ATPAF1: variants seen among roughly 807,000 people sequenced by gnomAD.
ATPAF1 encodes the protein homolog of yeast ATP11.
A neutral mutation model predicts 43.9 loss-of-function variants in ATPAF1; 26 were observed. That is an observed-to-expected ratio of 0.59 (90% CI 0.43 to 0.82). The LOEUF is 0.82. Among genes scored for constraint, ATPAF1 ranks in the 40% least tolerant of loss-of-function variants. The probability of loss-of-function intolerance (pLI) is 0.00; values close to 1 mark genes in which losing one functional copy is unlikely to be tolerated. For synonymous variants in ATPAF1, 157 were observed against 168.0 expected (o/e 0.93, Z 0.50); for missense variants, 366 against 435.0 (o/e 0.84, Z 1.41).
exon 9 of ATPAF1, chr1:46,635,722 G>T: frequency 2.0e-6 from 3 of 1,525,360 alleles, no homozygotes; most frequent in Non-Finnish European, 2.7e-6. Flanking sequence ...GAGGGGGTGG[G>T]CTCTAGACTA....
chr1:46,642,394 T>A (rs184416538), intron 8 of ATPAF1, among the ~76,000 whole-genome samples: 1 of 152,312 alleles, frequency 6.6e-6, no homozygotes, highest in East Asian at 1.9e-4. Flanking sequence ...ACTTAACCTC[T>A]GCCAGATAAA....
At chr1:46,665,764 A>C in intron 1 of ATPAF1, 1 of 1,510,602 alleles carries the variant, frequency 6.6e-7, no homozygotes, top group Non-Finnish European at 8.8e-7. Flanking sequence ...TCTTGAAAAT[A>C]TGTCCCCCCA....
At chr1:46,642,590 T>A (rs1288013561) in intron 8 of ATPAF1, among the ~76,000 whole-genome samples, 1 of 152,114 alleles carries the variant, frequency 6.6e-6, no homozygotes, top group Non-Finnish European at 1.5e-5. Context: ...ACACTATAAA[T>A]GATGAATGTT....
At chr1:46,664,389 G>GTCA (rs949166116) in intron 2 of ATPAF1, among the ~76,000 whole-genome samples, 6 of 152,184 alleles carry the variant, frequency 3.9e-5, no homozygotes, top group African/African-American at 7.2e-5. Context: ...TTTGCTCAGA[G>GTCA]TCACCCAGCT....
intron 1 of ATPAF1, among the ~76,000 whole-genome samples, chr1:46,667,799 A>G (rs1282654688): frequency 6.6e-6 from 1 of 152,198 alleles, no homozygotes; most frequent in Non-Finnish European, 1.5e-5. Flanking sequence ...CAGGGCTGTC[A>G]TAAGAGTCCA....
chr1:46,652,512 G>A (rs1436063401), intron 6 of ATPAF1, 69 bp downstream of exon 6: 17 of 1,482,540 alleles, frequency 1.1e-5, no homozygotes, highest in African/African-American at 1.1e-4. Context: ...GGAATATGAC[G>A]TGATGGGCTG....
At chr1:46,645,390 T>TTC in intron 6 of ATPAF1, 134 bp from the exon 7 acceptor site, 2 of 700,332 alleles carry the variant, frequency 2.9e-6, no homozygotes, top group Non-Finnish European at 4.7e-6. Flanking sequence ...TTGAGACAGG[T>TTC]TCTCGCTCTG....
chr1:46,668,306 A>G lies in ATPAF1; in HGVS notation c.17T>C (p.Val6Ala). The G allele has an allele frequency of 7.3e-7, 1 of 1,378,012 alleles. No individual in the cohort carries two copies. Among genetic ancestry groups the G allele is most frequent in the Non-Finnish European group, 9.4e-7 (1 of 1,061,198 alleles). 85.4% of individuals were successfully genotyped at this position (1,378,012 alleles called of 1,614,324 possible). The change falls in exon 1 of 9, where the codon GTG (valine) becomes GCG (alanine). Residue 6 changes from valine (V) to alanine (A), a missense_variant. Val to Ala is a moderately conservative substitution (Grantham distance 64). Around this residue, in one of 2 missense-constraint regions of ATPAF1, gnomAD observed 186 missense variants for 168.5 expected, o/e 1.10. Transcript: ENST00000574428. This position sits in a 1 kb window ranked among gnomAD's most constrained non-coding sequence, Gnocchi z 4.4. ...CGGTCCCGCGCCACCCGCAGCCGCC[A>G]CCACCACAGCAGCCATGGCCGCCCC... is the stretch of plus-strand genomic sequence containing the variant.
intron 6 of ATPAF1, among the ~76,000 whole-genome samples, chr1:46,651,046 T>C (rs678466): frequency 0.079 from 12,006 of 152,106 alleles, 1,221 homozygotes; most frequent in East Asian, 0.39. Context: ...ATGTGCACAA[T>C]GTGCAGGTTA....
chr1:46,652,323 A>G (rs1676186730), intron 6 of ATPAF1: 4 of 346,310 alleles, frequency 1.2e-5, no homozygotes, highest in Non-Finnish European at 1.6e-5. Context: ...GGAGCTAAAA[A>G]GCCAGAGGCT....
At chr1:46,661,471 A>C (rs1676385686) in intron 2 of ATPAF1, among the ~76,000 whole-genome samples, 2 of 152,192 alleles carry the variant, frequency 1.3e-5, no homozygotes, top group African/African-American at 2.4e-5. Context: ...GGGTGGAAGC[A>C]CCTCATGACT....
Position 46,638,151 on chromosome 1 carries a change from G to C in ATPAF1, c.793-2181C>G, listed in dbSNP as rs142060836. On this transcript the variant is annotated intron_variant, in intron 8 of 8. Transcript: ENST00000574428. The stretch of plus-strand genomic sequence containing the variant: ...TTTTATCTGAAGCTTGGGGTGGGAA[G>C]GTAGGAGTAAGTTCAGCTGTGTTCA... Among the ~76,000 whole-genome samples the C allele has an allele frequency of 2.5e-3, 385 of 152,332 alleles. 4 individuals carry two copies. The highest frequency in any genetic ancestry group is 8.9e-3 in the African/African-American group (370 of 41,588).
chr1:46,644,741 A>ACATT (rs2148817150), intron 7 of ATPAF1, among the ~76,000 whole-genome samples: 1 of 4,300 alleles, frequency 2.3e-4, no homozygotes, highest in African/African-American at 2.8e-4. Context: ...AAACAAAATA[A>ACATT]CATTAAACAG....
chr1:46,667,749 A>G (rs1217194873), intron 1 of ATPAF1, among the ~76,000 whole-genome samples: 1 of 152,034 alleles, frequency 6.6e-6, no homozygotes, highest in Non-Finnish European at 1.5e-5. Context: ...GCGTTTTCCC[A>G]TTTCTATAAT....
At chr1:46,659,206 T>C (rs1201399756) in intron 2 of ATPAF1, among the ~76,000 whole-genome samples, 2 of 151,770 alleles carry the variant, frequency 1.3e-5, no homozygotes, top group Non-Finnish European at 2.9e-5. Context: ...ATAAAATAAA[T>C]AAATAAAAAG....
At position 46,653,383 on chromosome 1, in the gene ATPAF1, A is replaced by G. The variant is rs1676207078; in HGVS notation, c.540+434T>C. Among the ~76,000 whole-genome samples the G allele has an allele frequency of 6.6e-6, 1 of 152,144 alleles. No homozygotes were observed. The highest frequency in any genetic ancestry group is 2.4e-5 in the African/African-American group (1 of 41,438). ...AAGACCAAGAAAATGCCACTTGCTA[A>G]GGGGAATATTCACCAGAGATAGACT... On this transcript the variant is annotated intron_variant, in intron 5 of 8. Coordinates refer to ENST00000574428, the Ensembl canonical transcript of ATPAF1. This position sits in a 1 kb window ranked among gnomAD's most constrained non-coding sequence, Gnocchi z 4.8.
intron 8 of ATPAF1, 118 bp from the exon 9 acceptor site, chr1:46,636,088 T>A: frequency 8.6e-7 from 1 of 1,158,522 alleles, no homozygotes; most frequent in South Asian, 1.2e-5. Context: ...AAAGTTTCCT[T>A]AACTTCTTGA....
chr1:46,657,715 G>T (rs1215273138), intron 4 of ATPAF1, among the ~76,000 whole-genome samples: 1 of 152,092 alleles, frequency 6.6e-6, no homozygotes, highest in East Asian at 1.9e-4. Context: ...CGGCAGCTTG[G>T]TTCTAGAGTC....
chr1:46,642,832 C>G (rs1201299254), intron 8 of ATPAF1, among the ~76,000 whole-genome samples: 1 of 152,098 alleles, frequency 6.6e-6, no homozygotes, highest in Admixed American at 6.5e-5. Context: ...TAATATTTCC[C>G]TAGTAAAATG....
Sources: allele counts gnomAD v4.1 joint callset (sites outside exome capture counted in the v4.1 genomes callset), GRCh38; gene constraint gnomAD v4.1.1; regional missense constraint gnomAD v4.1.1; non-coding constraint Gnocchi (gnomAD v3.1); transcripts MANE v1.5; gene names NCBI Gene and HGNC (gene_info 2026-07-23, HGNC 2026-07-21).